RPTOR: variants seen among roughly 807,000 people sequenced by gnomAD.
RPTOR encodes regulatory associated protein of MTOR complex 1.
RPTOR carries 21 observed loss-of-function variants against 169.9 expected under a neutral mutation model. The observed-to-expected ratio is 0.12, with a 90% CI of 0.09 to 0.18. The LOEUF (loss-of-function observed/expected upper bound fraction) is 0.18, where lower values mean the gene tolerates loss of function less well. Ranked by LOEUF, RPTOR falls within the 10% of genes least tolerant of loss-of-function variation. The pLI is 1.00. For synonymous variants in RPTOR, 732 were observed against 753.2 expected (o/e 0.97, Z 0.46); for missense variants, 1,133 against 1,855.9 (o/e 0.61, Z 7.16).
At chr17:80,892,306 A>G (rs989041316) in intron 18 of RPTOR, among the ~76,000 whole-genome samples, 12 of 152,140 alleles carry the variant, frequency 7.9e-5, no homozygotes, top group Non-Finnish European at 1.5e-4. Flanking sequence ...TCTGCCGTGC[A>G]GGGGCTTGTC....
At chr17:80,893,321 T>C (rs1392726413) in intron 19 of RPTOR, among the ~76,000 whole-genome samples, 1 of 131,180 alleles carries the variant, frequency 7.6e-6, no homozygotes, top group Admixed American at 7.6e-5. Flanking sequence ...GCCAGGTGTG[T>C]GCGCGCGCCA....
chr17:80,841,052 G>C lies in RPTOR; in HGVS notation c.1212+3055G>C, dbSNP rs1186985505. Among the ~76,000 whole-genome samples, 2 of 13,974 alleles carry C rather than the reference G, an allele frequency of 1.4e-4. 1 individual carries two copies. The allele number at this position is 13,974 out of a possible 152,430, so 9.2% of individuals were successfully genotyped here. ...GCACCGCAGCTCACACTCACCGCAC[G>C]GCAGCTCACATTCACCACACGGCAA... On this transcript the variant is annotated intron_variant, in intron 10 of 33. Coordinates refer to ENST00000306801, the MANE Select transcript of RPTOR (RefSeq NM_020761.3).
At chr17:80,564,242 T>G (rs1461176934) in intron 1 of RPTOR, among the ~76,000 whole-genome samples, 3 of 152,022 alleles carry the variant, frequency 2.0e-5, no homozygotes, top group Non-Finnish European at 2.9e-5. Context: ...TTTTGTATTT[T>G]TAGTAGAGAT....
intron 7 of RPTOR, among the ~76,000 whole-genome samples, chr17:80,798,897 G>T (rs890232319): frequency 1.3e-5 from 2 of 152,144 alleles, no homozygotes; most frequent in African/African-American, 2.4e-5. Context: ...ACACCCCCGT[G>T]TCCCTACACA....
At position 80,964,544 on chromosome 17, in the gene RPTOR, C is replaced by T. The variant is rs886950800; in HGVS notation, c.*214C>T. Reference sequence around the variant, plus strand: ...CAGGGAAGGGGAGGGCTCGGGTTGACGGTGGCTTCCCACTGAGCACCAGCA... The same window carrying T: ...CAGGGAAGGGGAGGGCTCGGGTTGATGGTGGCTTCCCACTGAGCACCAGCA... On this transcript the variant is annotated 3_prime_UTR_variant, in exon 34 of 34. Transcript: ENST00000306801. 9 of 590,582 alleles carry T rather than the reference C, an allele frequency of 1.5e-5. No individual in the cohort carries two copies. The highest frequency in any genetic ancestry group is 4.5e-4 in the Middle Eastern group (1 of 2,222). 36.6% of individuals were successfully genotyped at this position (590,582 alleles called of 1,614,324 possible). A position where few individuals can be genotyped will look rare whatever the true frequency, so the allele number is the denominator to read the frequency against.
chr17:80,556,327 C>A (rs1022459860), intron 1 of RPTOR, among the ~76,000 whole-genome samples: 1 of 152,248 alleles, frequency 6.6e-6, no homozygotes, highest in East Asian at 1.9e-4. Flanking sequence ...ACCTAAGCAA[C>A]AAAGTGAGGC....
chr17:80,845,895 G>T lies in RPTOR; in HGVS notation c.1213-578G>T, dbSNP rs889104262. Reference sequence around the variant, plus strand: ...GGTGCTGGTTTGTGGCTCTGCCCTGGACGTTGCTCCCTGGCGTCCAGACCT... The same window carrying T: ...GGTGCTGGTTTGTGGCTCTGCCCTGTACGTTGCTCCCTGGCGTCCAGACCT... On this transcript the variant is annotated intron_variant, in intron 10 of 33. Coordinates refer to ENST00000306801, the MANE Select transcript of RPTOR (RefSeq NM_020761.3). The surrounding 1 kb of genome is among the most constrained non-coding windows in gnomAD (Gnocchi z 5.4). Among the ~76,000 whole-genome samples, 7 of 152,164 alleles carry T rather than the reference G, an allele frequency of 4.6e-5. No individual in the cohort carries two copies. The highest frequency in any genetic ancestry group is 1.5e-5 in the Non-Finnish European group (1 of 68,038).
intron 13 of RPTOR, among the ~76,000 whole-genome samples, chr17:80,859,208 TG>T: frequency 6.6e-6 from 1 of 152,242 alleles, no homozygotes; most frequent in South Asian, 2.1e-4. Flanking sequence ...CCAGTGGTGA[TG>T]GCAGGCGAGA....
At chr17:80,885,186 A>G (rs948355201) in intron 17 of RPTOR, 38 bp downstream of exon 17, 36 of 1,544,096 alleles carry the variant, frequency 2.3e-5, no homozygotes, top group African/African-American at 4.1e-5. Flanking sequence ...CAGGGCACCC[A>G]GGCTGGACCC....
intron 14 of RPTOR, among the ~76,000 whole-genome samples, chr17:80,881,176 T>A (rs1424329567): frequency 6.6e-6 from 1 of 152,130 alleles, no homozygotes; most frequent in Non-Finnish European, 1.5e-5. Context: ...GTTCGGTGGC[T>A]TTGCTGTATA....
chr17:80,631,622 A>G (rs1380893927), intron 2 of RPTOR, among the ~76,000 whole-genome samples: 2 of 152,036 alleles, frequency 1.3e-5, no homozygotes, highest in Non-Finnish European at 2.9e-5. Context: ...CAGCTTTCTC[A>G]TGTTGATAGG....
intron 1 of RPTOR, among the ~76,000 whole-genome samples, chr17:80,571,901 A>G (rs184271570): frequency 1.1e-4 from 17 of 152,272 alleles, no homozygotes; most frequent in African/African-American, 4.1e-4. Context: ...TTCTTTTCTC[A>G]GTATCGTATT....
At chr17:80,789,892 A>T (rs544944832) in intron 6 of RPTOR, among the ~76,000 whole-genome samples, 110 of 152,338 alleles carry the variant, frequency 7.2e-4, no homozygotes, top group African/African-American at 2.6e-3. Flanking sequence ...GATGAGTCTG[A>T]TATAAGTGAT....
chr17:80,632,821 G>C (rs1051319217), intron 2 of RPTOR, among the ~76,000 whole-genome samples: 2 of 151,986 alleles, frequency 1.3e-5, no homozygotes, highest in Non-Finnish European at 2.9e-5. Context: ...TTTTATTTTT[G>C]TGAGATAAGA....
At chr17:80,794,768 T>G (rs915088644) in intron 7 of RPTOR, among the ~76,000 whole-genome samples, 1 of 152,158 alleles carries the variant, frequency 6.6e-6, no homozygotes. Flanking sequence ...ATTTGGGCGG[T>G]TCCCAGAAGT....
At chr17:80,576,572 T>C (rs1330476752) in intron 1 of RPTOR, among the ~76,000 whole-genome samples, 1 of 152,246 alleles carries the variant, frequency 6.6e-6, no homozygotes, top group Non-Finnish European at 1.5e-5. Context: ...CTCTTCGCTC[T>C]CCTTTCCTTT....
intron 3 of RPTOR, among the ~76,000 whole-genome samples, chr17:80,666,300 T>G (rs1197647066): frequency 6.6e-6 from 1 of 152,086 alleles, no homozygotes; most frequent in Admixed American, 6.5e-5. Context: ...TTGCTATGAG[T>G]TTAAGAAGAC....
intron 21 of RPTOR, among the ~76,000 whole-genome samples, chr17:80,919,594 G>A (rs1459835980): frequency 1.3e-5 from 2 of 152,150 alleles, no homozygotes; most frequent in South Asian, 2.1e-4. Flanking sequence ...TGGCGCTCCC[G>A]GAACAGGAGA....
At position 80,730,581 on chromosome 17, in the gene RPTOR, C is replaced by G. The variant is rs150208057; in HGVS notation, c.529C>G (p.Leu177Val). ...FNKNYTQYIPLSIYDLQTWMG... is the reference protein window; with the variant it reads ...FNKNYTQYIPVSIYDLQTWMG... ...CTAGAACTACACGCAGTACATCCCT[C>G]TGTCCATATATGACCTGCAGACGTG... The change falls in exon 5 of 34, where the codon CTG (leucine) becomes GTG (valine). Residue 177 changes from leucine to valine, a missense_variant. Physicochemically the swap from Leu to Val is conservative, Grantham distance 32. Coordinates refer to ENST00000306801, the MANE Select transcript of RPTOR (RefSeq NM_020761.3). The surrounding 1 kb of genome is among the most constrained non-coding windows in gnomAD (Gnocchi z 4.2). 1.5e-5 allele frequency: 25 copies of G among 1,614,118 alleles called. No homozygotes were observed. The highest frequency in any genetic ancestry group is 4.0e-5 in the African/African-American group (3 of 74,950).
Sources: gnomAD v4.1 joint callset for allele counts (sites outside exome capture counted in the v4.1 genomes callset) on GRCh38, gnomAD v4.1.1 for gene constraint, Gnocchi (gnomAD v3.1) non-coding constraint, MANE v1.5 for transcripts, NCBI Gene and HGNC (gene_info 2026-07-23, HGNC 2026-07-21) for gene names.